Variants in HTR2C observed in about 807,000 individuals in gnomAD.
HTR2C encodes the protein 5-hydroxytryptamine (serotonin) receptor 2C, G protein-coupled.
A neutral mutation model predicts 21.0 loss-of-function variants in HTR2C; 5 were observed. The observed-to-expected ratio is 0.24, with a 90% CI of 0.12 to 0.50. The LOEUF (loss-of-function observed/expected upper bound fraction) is 0.50. Among genes scored for constraint, HTR2C ranks in the 20% least tolerant of loss-of-function variants. The pLI, the probability that HTR2C is intolerant of heterozygous loss-of-function variation, is 0.98. For synonymous variants in HTR2C, 150 were observed against 145.3 expected, an observed-to-expected ratio of 1.03 and a Z score of -0.23; for missense variants, 271 against 371.2, an observed-to-expected ratio of 0.73 and a Z score of 2.22.
At position 114,847,994 on chromosome X, in the gene HTR2C, C is replaced by G; in HGVS notation, c.350-9C>G. 1 of 1,189,820 alleles carries G rather than the reference C, an allele frequency of 8.4e-7. No individual in the cohort carries two copies. Among genetic ancestry groups the G allele is most frequent in the Non-Finnish European group, 1.1e-6 (1 of 876,850 alleles). ...GACGTGTTCTTGTCTTCTCTCTGTT[C>G]TCTTTCAGATTATGTCTGGCCACTA... is the stretch of plus-strand genomic sequence containing the variant. On this transcript the variant is annotated splice_polypyrimidine_tract_variant and intron_variant, in intron 4 of 5. Transcript: ENST00000276198.
intron 5 of HTR2C, among the ~76,000 whole-genome samples, chrX:114,893,202 CTG>C (rs1294770253): frequency 9.0e-6 from 1 of 110,697 alleles, no homozygotes; most frequent in African/African-American, 3.3e-5. Context: ...GTGTGAGCCA[CTG>C]TGCCCAGCCT....
At chrX:114,644,354 AATAAATAAAT>A (rs1435066379) in intron 2 of HTR2C, among the ~76,000 whole-genome samples, 103 of 18,623 alleles carry the variant, frequency 5.5e-3, no homozygotes, top group African/African-American at 0.015. Flanking sequence ...AAAATAAATA[AATAAATAAAT>A]ATATATATAT....
At chrX:114,707,379 C>G (rs977272909) in intron 2 of HTR2C, among the ~76,000 whole-genome samples, 1 of 110,156 alleles carries the variant, frequency 9.1e-6, no homozygotes, top group Non-Finnish European at 1.9e-5. Flanking sequence ...TTTGATGGTG[C>G]CATGGCACTC....
At chrX:114,704,308 C>T (rs1406093950) in intron 2 of HTR2C, among the ~76,000 whole-genome samples, 1 of 111,349 alleles carries the variant, frequency 9.0e-6, no homozygotes, top group Non-Finnish European at 1.9e-5. Context: ...CAAAAATCCT[C>T]AATAAAATAC....
chrX:114,836,550 C>T (rs190772335), intron 4 of HTR2C, among the ~76,000 whole-genome samples: 4,150 of 112,069 alleles, frequency 0.037, 194 homozygotes, highest in African/African-American at 0.13. Context: ...GGCAATGCCT[C>T]GCCCTGCTTC....
intron 2 of HTR2C, among the ~76,000 whole-genome samples, chrX:114,703,344 A>G (rs1194398640): frequency 6.3e-5 from 7 of 110,311 alleles, no homozygotes; most frequent in South Asian, 3.9e-4. Context: ...AAAGAACAGA[A>G]ATTATAACAA....
intron 4 of HTR2C, among the ~76,000 whole-genome samples, chrX:114,742,595 AG>A (rs1228737956): frequency 2.4e-4 from 27 of 111,339 alleles, no homozygotes; most frequent in African/African-American, 8.8e-4. Flanking sequence ...CAGAATATCC[AG>A]GATACAATTT....
chrX:114,689,519 A>AT (rs1185341532), intron 2 of HTR2C, among the ~76,000 whole-genome samples: 49 of 104,999 alleles, frequency 4.7e-4, no homozygotes, highest in African/African-American at 6.5e-4. Flanking sequence ...ACCAACATCT[A>AT]TTTTTTTTTT....
chrX:114,729,110 G>A (rs1305822941), intron 3 of HTR2C, among the ~76,000 whole-genome samples: 1 of 111,969 alleles, frequency 8.9e-6, no homozygotes, highest in Non-Finnish European at 1.9e-5. Flanking sequence ...AAAGGACTCT[G>A]GAAAACGTGC....
chrX:114,662,262 AATG>A (rs1405222223), intron 2 of HTR2C, among the ~76,000 whole-genome samples: 1 of 111,727 alleles, frequency 9.0e-6, no homozygotes, highest in Admixed American at 9.5e-5. Context: ...ATTTTTTTAT[AATG>A]ATATTATTAT....
At chrX:114,807,810 C>G (rs1556451200) in intron 4 of HTR2C, among the ~76,000 whole-genome samples, 1 of 109,231 alleles carries the variant, frequency 9.2e-6, no homozygotes, top group Non-Finnish European at 1.9e-5. Context: ...GTAGCTGGGA[C>G]TACAGGCGCA....
At chrX:114,746,462 G>C (rs2069705019) in intron 4 of HTR2C, among the ~76,000 whole-genome samples, 1 of 111,868 alleles carries the variant, frequency 8.9e-6, no homozygotes, top group Non-Finnish European at 1.9e-5. Flanking sequence ...TTGATTAATT[G>C]ATCATCTCAA....
intron 4 of HTR2C, among the ~76,000 whole-genome samples, chrX:114,783,636 A>G (rs2070142364): frequency 8.9e-6 from 1 of 111,951 alleles, no homozygotes; most frequent in African/African-American, 3.2e-5. Flanking sequence ...TAGAATACAA[A>G]TTATTTTCAT....
At chrX:114,836,798 AT>A (rs1223207089) in intron 4 of HTR2C, among the ~76,000 whole-genome samples, 6 of 111,258 alleles carry the variant, frequency 5.4e-5, no homozygotes, top group African/African-American at 1.7e-4. Flanking sequence ...AAATTGATTG[AT>A]TTTTTTCAGA....
chrX:114,605,550 C>A (rs782145738), intron 1 of HTR2C, among the ~76,000 whole-genome samples: 1 of 111,025 alleles, frequency 9.0e-6, no homozygotes, highest in South Asian at 3.8e-4. Context: ...CACCTCAGAC[C>A]ATTTGCCTAT....
intron 2 of HTR2C, among the ~76,000 whole-genome samples, chrX:114,615,835 A>G (rs1243400139): frequency 2.7e-5 from 3 of 111,791 alleles, no homozygotes; most frequent in Non-Finnish European, 5.6e-5. Context: ...GCTCTTATCT[A>G]GGTATTAATT....
At chrX:114,781,659 C>T (rs2070119039) in intron 4 of HTR2C, among the ~76,000 whole-genome samples, 1 of 109,216 alleles carries the variant, frequency 9.2e-6, no homozygotes, top group African/African-American at 3.3e-5. Context: ...TACCACCACA[C>T]CCAGTTAATT....
At chrX:114,720,866 A>AT (rs1479125197) in intron 2 of HTR2C, among the ~76,000 whole-genome samples, 1 of 90,932 alleles carries the variant, frequency 1.1e-5, no homozygotes, top group Non-Finnish European at 2.2e-5. Flanking sequence ...TTATGGCTGC[A>AT]TAGTATTCCA....
chrX:114,808,985 T>G (rs1022572081), intron 4 of HTR2C, among the ~76,000 whole-genome samples: 1 of 111,565 alleles, frequency 9.0e-6, no homozygotes, highest in Non-Finnish European at 1.9e-5. Flanking sequence ...GGTCCTGCAA[T>G]GACCACTGCC....
Sources: allele counts gnomAD v4.1 joint callset (sites outside exome capture counted in the v4.1 genomes callset), GRCh38; gene constraint gnomAD v4.1.1; transcripts MANE v1.5; gene names NCBI Gene and HGNC (gene_info 2026-07-23, HGNC 2026-07-21).